Variants in SNX29 observed in about 807,000 individuals in gnomAD.
SNX29 encodes the protein sorting nexin-29.
SNX29 carries 78 observed loss-of-function variants against 102.1 expected under a neutral mutation model. That is an observed-to-expected ratio of 0.76 (90% CI 0.64 to 0.92). The LOEUF (loss-of-function observed/expected upper bound fraction) is 0.92. Among genes scored for constraint, SNX29 ranks in the 40% least tolerant of loss-of-function variants. The pLI, the probability that SNX29 is intolerant of heterozygous loss-of-function variation, is 0.00. For synonymous variants in SNX29, 580 were observed against 414.5 expected, an observed-to-expected ratio of 1.40 and a Z score of -4.85; for missense variants, 1,280 against 1,061.7, an observed-to-expected ratio of 1.21 and a Z score of -2.86.
intron 19 of SNX29, among the ~76,000 whole-genome samples, chr16:12,508,970 G>C (rs1460030514): frequency 1.3e-5 from 2 of 152,126 alleles, no homozygotes; most frequent in South Asian, 2.1e-4. Flanking sequence ...GTTCAGGTTG[G>C]AGATAGTGTC....
chr16:12,088,870 T>C (rs549377228), intron 11 of SNX29, among the ~76,000 whole-genome samples: 39 of 152,144 alleles, frequency 2.6e-4, no homozygotes, highest in African/African-American at 6.7e-4. Flanking sequence ...CGGATTACTC[T>C]TGAGGTCAGG....
chr16:12,473,223 G>C (rs896525508), intron 18 of SNX29, among the ~76,000 whole-genome samples: 1 of 152,238 alleles, frequency 6.6e-6, no homozygotes, highest in African/African-American at 2.4e-5. Flanking sequence ...AATTTGCAGA[G>C]AAAGTTTCCT....
intron 13 of SNX29, among the ~76,000 whole-genome samples, chr16:12,166,643 A>T (rs1046097750): frequency 6.6e-6 from 1 of 152,154 alleles, no homozygotes; most frequent in Admixed American, 6.5e-5. Context: ...ATGAATTGTT[A>T]TGTAGACACA....
At chr16:12,109,146 A>G (rs908457831) in intron 11 of SNX29, among the ~76,000 whole-genome samples, 8 of 149,352 alleles carry the variant, frequency 5.4e-5, no homozygotes, top group African/African-American at 7.5e-5. Flanking sequence ...AAAAAAAAAA[A>G]AAAAAAAAAG....
chr16:12,270,812 C>G (rs892139710), intron 14 of SNX29, among the ~76,000 whole-genome samples: 1 of 151,968 alleles, frequency 6.6e-6, no homozygotes, highest in Non-Finnish European at 1.5e-5. Context: ...GAGGGCAAGG[C>G]GGGTAGATCG....
At chr16:12,005,009 G>C (rs780863498) in intron 3 of SNX29, among the ~76,000 whole-genome samples, 1 of 152,162 alleles carries the variant, frequency 6.6e-6, no homozygotes, top group South Asian at 2.1e-4. Flanking sequence ...TTTGTTATCC[G>C]GATGAGCGTG....
intron 14 of SNX29, among the ~76,000 whole-genome samples, chr16:12,206,014 C>A (rs2077035711): frequency 6.6e-6 from 1 of 152,176 alleles, no homozygotes; most frequent in Admixed American, 6.5e-5. Flanking sequence ...AATTCATAGA[C>A]CTTTCTTCTA....
intron 4 of SNX29, among the ~76,000 whole-genome samples, chr16:12,027,995 A>G (rs557582638): frequency 3.3e-5 from 5 of 152,298 alleles, no homozygotes; most frequent in African/African-American, 1.2e-4. Flanking sequence ...AGGGACTGTT[A>G]TTACTGCCAC....
At position 12,500,261 on chromosome 16, in the gene SNX29, G is replaced by A. The variant is rs115425552; in HGVS notation, c.2178+22402G>A. 9.5e-3 allele frequency among the ~76,000 whole-genome samples: 1,450 copies of A among 152,292 alleles called. 27 individuals carry two copies. The highest frequency in any genetic ancestry group is 0.034 in the African/African-American group (1,394 of 41,546). On this transcript the variant is annotated intron_variant, in intron 19 of 20. Coordinates refer to ENST00000566228, the MANE Select transcript of SNX29 (RefSeq NM_032167.5). ...AAACCTCGTGCCTCAGTCTCCCAAA[G>A]TGCTAGGATTATAGGCATGAGCCAC...
chr16:12,054,678 C>T (rs2050446843), intron 8 of SNX29, among the ~76,000 whole-genome samples: 1 of 152,204 alleles, frequency 6.6e-6, no homozygotes, highest in Admixed American at 6.5e-5. Context: ...AGCTTGTGGA[C>T]TGCGGATCAT....
At chr16:12,126,803 T>C in intron 12 of SNX29, 107 bp downstream of exon 12, 2 of 1,177,436 alleles carry the variant, frequency 1.7e-6, no homozygotes, top group Middle Eastern at 4.1e-4. Flanking sequence ...TGGCAAAAAT[T>C]GTGACTGGCT....
chr16:12,551,335 G>A (rs2141349211), intron 20 of SNX29, among the ~76,000 whole-genome samples: 1 of 152,290 alleles, frequency 6.6e-6, no homozygotes. Context: ...AGAGATATGT[G>A]GAATCATTCT....
intron 5 of SNX29, among the ~76,000 whole-genome samples, 182 bp from the exon 6 acceptor site, chr16:12,046,202 T>G (rs1188264934): frequency 6.6e-6 from 1 of 152,200 alleles, no homozygotes; most frequent in African/African-American, 2.4e-5. Flanking sequence ...TTGTAGGATG[T>G]AAGTGTTCAG....
At chr16:12,148,150 G>A (rs558180810) in intron 13 of SNX29, among the ~76,000 whole-genome samples, 1 of 152,184 alleles carries the variant, frequency 6.6e-6, no homozygotes, top group South Asian at 2.1e-4. Context: ...TCCTTCAAAT[G>A]CATTCTTACT....
At chr16:12,160,543 T>C (rs1411774735) in intron 13 of SNX29, among the ~76,000 whole-genome samples, 1 of 152,166 alleles carries the variant, frequency 6.6e-6, no homozygotes, top group East Asian at 1.9e-4. Flanking sequence ...TTAGTGGTTG[T>C]CAGGGGCCGT....
At chr16:12,175,703 T>C (rs1296168109) in intron 13 of SNX29, among the ~76,000 whole-genome samples, 1 of 151,220 alleles carries the variant, frequency 6.6e-6, no homozygotes, top group Non-Finnish European at 1.5e-5. Context: ...GATACCCTTA[T>C]AAGAAGAGGG....
chr16:12,487,235 A>T (rs1204742684), intron 19 of SNX29, among the ~76,000 whole-genome samples: 1 of 152,154 alleles, frequency 6.6e-6, no homozygotes, highest in Non-Finnish European at 1.5e-5. Context: ...GGGCGAGCAG[A>T]CACACACGTG....
chr16:12,245,079 C>A (rs1596615709), intron 14 of SNX29, among the ~76,000 whole-genome samples: 2 of 152,002 alleles, frequency 1.3e-5, no homozygotes, highest in Admixed American at 6.6e-5. Context: ...GATTCCCCGC[C>A]CCCCTAACAA....
intron 16 of SNX29, among the ~76,000 whole-genome samples, chr16:12,391,823 C>G (rs1451922088): frequency 6.6e-6 from 1 of 152,216 alleles, no homozygotes; most frequent in East Asian, 1.9e-4. Flanking sequence ...ATTCACTGTT[C>G]TGATTTTCTT....
Sources: allele counts gnomAD v4.1 joint callset (sites outside exome capture counted in the v4.1 genomes callset), GRCh38; gene constraint gnomAD v4.1.1; transcripts MANE v1.5; gene names NCBI Gene and HGNC (gene_info 2026-07-23, HGNC 2026-07-21).